Variants in MAGI1 observed in about 807,000 individuals in gnomAD.
MAGI1 encodes membrane associated guanylate kinase, WW and PDZ domain containing 1.
Under a neutral mutation model 139.9 loss-of-function variants are expected in MAGI1, and 58 were observed. That is an observed-to-expected ratio of 0.41 (90% confidence interval 0.34 to 0.52). The LOEUF is 0.52. Ranked by LOEUF, MAGI1 falls within the 20% of genes least tolerant of loss-of-function variation. The pLI is 0.12. For synonymous variants in MAGI1, 812 were observed against 737.9 expected (o/e 1.10, Z -1.63); for missense variants, 1,874 against 1,901.6 (o/e 0.99, Z 0.27).
intron 1 of MAGI1, among the ~76,000 whole-genome samples, chr3:65,839,873 G>A (rs953329321): frequency 5.3e-5 from 8 of 152,156 alleles, no homozygotes; most frequent in African/African-American, 1.4e-4. Context: ...GCATCTTTAC[G>A]ACGTTGAGTC....
rs767598706 is a variant in MAGI1, at chr3:65,400,750, A to ATTTTTTTTT, written c.2199+680_2199+688dup. Among the ~76,000 whole-genome samples, 24 of 60,594 alleles carry ATTTTTTTTT rather than the reference A, an allele frequency of 4.0e-4. 4 individuals are homozygous for ATTTTTTTTT. Among genetic ancestry groups the ATTTTTTTTT allele is most frequent in the East Asian group, 1.3e-3 (3 of 2,254 alleles). The allele number at this position is 60,594 out of a possible 152,430, so 39.8% of individuals were successfully genotyped here. On this transcript the variant is annotated intron_variant, in intron 13 of 22. Transcript: ENST00000402939. ...GATTGGAAAGGACAGCAAAACATTG[A>ATTTTTTTTT]TTTTTTTTTTTTTTTTTTTTTTTTT...
intron 1 of MAGI1, among the ~76,000 whole-genome samples, chr3:66,033,050 T>A (rs2068724318): frequency 6.6e-6 from 1 of 151,334 alleles, no homozygotes; most frequent in South Asian, 2.1e-4. Context: ...GTGTGTGAGA[T>A]GGGGGTCTCA....
intron 2 of MAGI1, among the ~76,000 whole-genome samples, chr3:65,602,663 T>A (rs2082537965): frequency 6.6e-6 from 1 of 152,114 alleles, no homozygotes; most frequent in Non-Finnish European, 1.5e-5. Context: ...TAATGATTTT[T>A]AAAAATAGGT....
chr3:65,910,855 C>CTTTTTATTTTTTT (rs2061634234), intron 1 of MAGI1, among the ~76,000 whole-genome samples: 1 of 59,484 alleles, frequency 1.7e-5, no homozygotes, highest in Non-Finnish European at 2.7e-5. Context: ...ACATGGTGGA[C>CTTTTTATTTTTTT]TTTTTTTTTT....
At chr3:65,657,058 AT>A (rs1366021186) in intron 1 of MAGI1, among the ~76,000 whole-genome samples, 2 of 151,940 alleles carry the variant, frequency 1.3e-5, no homozygotes, top group African/African-American at 4.8e-5. Context: ...TCATTGGCTA[AT>A]ATTTATGGAA....
At chr3:65,649,903 G>C (rs1258365942) in intron 1 of MAGI1, among the ~76,000 whole-genome samples, 3 of 152,150 alleles carry the variant, frequency 2.0e-5, no homozygotes, top group Admixed American at 2.0e-4. Flanking sequence ...CTGCCTGTGG[G>C]GATGTTAAAA....
chr3:65,440,145 G>A (rs1948173725), intron 8 of MAGI1, 133 bp from the exon 9 acceptor site: 5 of 981,512 alleles, frequency 5.1e-6, no homozygotes, highest in Admixed American at 4.3e-5. Flanking sequence ...GTGTTAAAAT[G>A]CTCAGTTAGA....
At chr3:65,649,165 G>C (rs914573234) in intron 1 of MAGI1, among the ~76,000 whole-genome samples, 6 of 152,130 alleles carry the variant, frequency 3.9e-5, no homozygotes, top group Non-Finnish European at 7.4e-5. Context: ...CTTCAGGCTA[G>C]GAGTACAAGA....
intron 1 of MAGI1, among the ~76,000 whole-genome samples, chr3:65,800,270 G>A (rs191717401): frequency 6.6e-6 from 1 of 152,096 alleles, no homozygotes; most frequent in Non-Finnish European, 1.5e-5. Context: ...TTAATTTGTG[G>A]TTCTTACATT....
At chr3:65,980,955 T>C (rs1253264294) in intron 1 of MAGI1, among the ~76,000 whole-genome samples, 2 of 152,062 alleles carry the variant, frequency 1.3e-5, no homozygotes, top group African/African-American at 4.8e-5. Context: ...GGTCAGGAGT[T>C]CGAGACCAGC....
intron 2 of MAGI1, among the ~76,000 whole-genome samples, chr3:65,574,191 C>T (rs1042020562): frequency 2.0e-5 from 3 of 150,878 alleles, no homozygotes; most frequent in Admixed American, 6.6e-5. Context: ...TATTTTTTAA[C>T]TTTTATTTTA....
chr3:66,016,439 G>A (rs1048950817), intron 1 of MAGI1, among the ~76,000 whole-genome samples: 2 of 152,152 alleles, frequency 1.3e-5, no homozygotes, highest in East Asian at 3.9e-4. Context: ...AGCCAGAAAG[G>A]TGGAAGGGTC....
intron 1 of MAGI1, among the ~76,000 whole-genome samples, chr3:65,774,507 A>G (rs2038209243): frequency 6.6e-6 from 1 of 152,166 alleles, no homozygotes; most frequent in South Asian, 2.1e-4. Context: ...TTTTGGTGGA[A>G]AAGAATTCAT....
intron 1 of MAGI1, among the ~76,000 whole-genome samples, chr3:65,690,264 C>A (rs74734235): frequency 6.6e-6 from 1 of 152,020 alleles, no homozygotes; most frequent in African/African-American, 2.4e-5. Flanking sequence ...AAGAGAAAAA[C>A]CAAGGGACAG....
At chr3:66,024,266 T>TA (rs1162121478) in intron 1 of MAGI1, among the ~76,000 whole-genome samples, 9 of 144,116 alleles carry the variant, frequency 6.2e-5, no homozygotes, top group African/African-American at 7.6e-5. Flanking sequence ...ACCCTTTTTT[T>TA]AAAAAAAAGA....
At chr3:65,660,296 C>T (rs975864961) in intron 1 of MAGI1, among the ~76,000 whole-genome samples, 3 of 152,212 alleles carry the variant, frequency 2.0e-5, no homozygotes, top group African/African-American at 4.8e-5. Context: ...AAACGGGCTT[C>T]GCCCTCTCTG....
At chr3:65,539,423 AAC>A (rs2079108522) in intron 2 of MAGI1, among the ~76,000 whole-genome samples, 2 of 152,366 alleles carry the variant, frequency 1.3e-5, no homozygotes, top group Middle Eastern at 3.4e-3. Flanking sequence ...GTCAACCAGA[AAC>A]ACATATCAGC....
intron 2 of MAGI1, among the ~76,000 whole-genome samples, chr3:65,621,151 T>C (rs1013669360): frequency 3.3e-5 from 5 of 152,140 alleles, no homozygotes; most frequent in African/African-American, 9.7e-5. Flanking sequence ...GACTGGGTGA[T>C]AGAGAGGAGA....
intron 1 of MAGI1, among the ~76,000 whole-genome samples, chr3:65,680,376 A>G (rs950267030): frequency 3.3e-5 from 5 of 152,214 alleles, no homozygotes; most frequent in African/African-American, 9.6e-5. Context: ...TCATTCAAAC[A>G]GGAGAGCTCT....
Sources: gnomAD v4.1 joint callset for allele counts (sites outside exome capture counted in the v4.1 genomes callset) on GRCh38, gnomAD v4.1.1 for gene constraint, MANE v1.5 for transcripts, NCBI Gene and HGNC (gene_info 2026-07-23, HGNC 2026-07-21) for gene names.